The following DSCAML1 variants were observed in gnomAD, a reference collection of about 807,000 sequenced individuals.
DSCAML1 encodes the protein DS cell adhesion molecule like 1.
In DSCAML1, 38 loss-of-function variants were observed where a neutral mutation model predicts 200.5. The observed-to-expected ratio is 0.19, with a 90% confidence interval of 0.15 to 0.25. The LOEUF is 0.25. Among genes scored for constraint, DSCAML1 ranks in the 10% least tolerant of loss-of-function variants. DSCAML1 has a pLI of 1.00. For missense variants in DSCAML1, 2,223 were observed against 2,858.8 expected (o/e 0.78, Z 5.07); for synonymous variants, 1,215 against 1,165.0 (o/e 1.04, Z -0.87).
intron 21 of DSCAML1, among the ~76,000 whole-genome samples, chr11:117,442,176 G>A: frequency 6.7e-6 from 1 of 149,834 alleles, no homozygotes; most frequent in Non-Finnish European, 1.5e-5. Context: ...TGCATGTAGT[G>A]TGTATAGTGT....
At chr11:117,675,302 G>A (rs1359037351) in intron 3 of DSCAML1, among the ~76,000 whole-genome samples, 1 of 151,868 alleles carries the variant, frequency 6.6e-6, no homozygotes, top group African/African-American at 2.4e-5. Flanking sequence ...TCAGGGTTAT[G>A]CTTCCAAGCC....
At chr11:117,555,870 G>A (rs1420194697) in intron 3 of DSCAML1, among the ~76,000 whole-genome samples, 1 of 150,518 alleles carries the variant, frequency 6.6e-6, no homozygotes, top group Non-Finnish European at 1.5e-5. Flanking sequence ...CTCCTGCAGA[G>A]TATGGAGGGG....
intron 5 of DSCAML1, 126 bp downstream of exon 5, chr11:117,524,679 C>T (rs1346760241): frequency 5.7e-6 from 7 of 1,219,006 alleles, no homozygotes; most frequent in Admixed American, 3.1e-5. Context: ...CTGCCTTCCC[C>T]AGTCAGCCAG....
chr11:117,451,113 G>A lies in DSCAML1; in HGVS notation c.3569-425C>T, dbSNP rs76895578. 3.2e-3 allele frequency among the ~76,000 whole-genome samples: 492 copies of A among 152,292 alleles called. 2 individuals are homozygous for A. The highest frequency in any genetic ancestry group is 0.011 in the African/African-American group (437 of 41,578). On this transcript the variant is annotated intron_variant, in intron 19 of 32. Transcript: ENST00000651296. Reference sequence around the variant, plus strand: ...CTTTTTGGCCTGTGAGTTTCTTGAAGCTGGGACCACAACCTGTTTTCTGGC... The same window carrying A: ...CTTTTTGGCCTGTGAGTTTCTTGAAACTGGGACCACAACCTGTTTTCTGGC...
rs759589936 is a variant in DSCAML1 at position 117,516,479 on chromosome 11, C to T, written c.1771G>A (p.Val591Ile). Residue 591 changes from valine to isoleucine, a missense_variant, in exon 8 of 33, where the codon GTA (valine) becomes ATA (isoleucine). Physicochemically the swap from Val to Ile is conservative, Grantham distance 29. Transcript: ENST00000651296. This position sits in a 1 kb window ranked among gnomAD's most constrained non-coding sequence, Gnocchi z 5.7. ...GAGGGAGGCCTACCTTTGACGGCTA[C>T]GTGAACGCTCTGGCTGATGGAGAGC... ...PQLSISQSVH[V>I]AVKVPPLIQP... 2.3e-5 allele frequency: 37 copies of T among 1,612,884 alleles called. No homozygotes were observed. Among genetic ancestry groups the T allele is most frequent in the Middle Eastern group, 1.7e-4 (1 of 5,964 alleles).
At chr11:117,601,444 C>A (rs1410312672) in intron 3 of DSCAML1, among the ~76,000 whole-genome samples, 1 of 152,176 alleles carries the variant, frequency 6.6e-6, no homozygotes, top group Non-Finnish European at 1.5e-5. Flanking sequence ...AGATCAGGAC[C>A]AGCCTACATT....
At chr11:117,591,000 C>T (rs2051248190) in intron 3 of DSCAML1, among the ~76,000 whole-genome samples, 1 of 152,086 alleles carries the variant, frequency 6.6e-6, no homozygotes, top group Non-Finnish European at 1.5e-5. Context: ...GGTGTAGACA[C>T]ATCTTGATAG....
chr11:117,458,995 A>C, intron 18 of DSCAML1, 86 bp from the exon 19 acceptor site: 1 of 1,508,464 alleles, frequency 6.6e-7, no homozygotes, highest in Non-Finnish European at 9.0e-7. Context: ...CTCTGCCCAC[A>C]CCTACTGCAC....
intron 3 of DSCAML1, among the ~76,000 whole-genome samples, chr11:117,679,490 C>G (rs2053276272): frequency 6.6e-6 from 1 of 152,128 alleles, no homozygotes; most frequent in South Asian, 2.1e-4. Flanking sequence ...TTTTTCCAGC[C>G]CTTGGTGAGC....
intron 3 of DSCAML1, among the ~76,000 whole-genome samples, chr11:117,601,746 T>C (rs1390840303): frequency 1.3e-5 from 2 of 152,228 alleles, no homozygotes; most frequent in African/African-American, 4.8e-5. Flanking sequence ...CTTGAACACA[T>C]GGGACCTGGC....
At chr11:117,804,697 G>A (rs1296265915) in intron 1 of DSCAML1, among the ~76,000 whole-genome samples, 1 of 152,198 alleles carries the variant, frequency 6.6e-6, no homozygotes, top group African/African-American at 2.4e-5. Context: ...TCGAGAGGCT[G>A]AGGTGAGAGG....
At chr11:117,677,568 C>T (rs2053237468) in intron 3 of DSCAML1, among the ~76,000 whole-genome samples, 1 of 151,848 alleles carries the variant, frequency 6.6e-6, no homozygotes, top group South Asian at 2.1e-4. Flanking sequence ...TGGTGAGGAC[C>T]CTGGCTTGTG....
intron 1 of DSCAML1, among the ~76,000 whole-genome samples, chr11:117,786,963 G>A (rs1197368657): frequency 6.6e-6 from 1 of 152,100 alleles, no homozygotes; most frequent in Non-Finnish European, 1.5e-5. Context: ...GAATGGTCAG[G>A]ACCAACCGGC....
chr11:117,606,929 G>C (rs1479963520), intron 3 of DSCAML1, among the ~76,000 whole-genome samples: 1 of 152,224 alleles, frequency 6.6e-6, no homozygotes, highest in African/African-American at 2.4e-5. Flanking sequence ...AGTGTTGACT[G>C]GTTGAGTCAG....
rs28636504 is a variant in DSCAML1, at chr11:117,780,211, G to A, written c.364+282C>T. Among the ~76,000 whole-genome samples the A allele has an allele frequency of 0.068, 4,064 of 59,554 alleles. 281 individuals are homozygous for A. The highest frequency in any genetic ancestry group is 0.083 in the Middle Eastern group (10 of 120). 39.1% of individuals were successfully genotyped at this position (59,554 alleles called of 152,430 possible). On this transcript the variant is annotated intron_variant, in intron 2 of 32. Coordinates refer to ENST00000651296, the MANE Select transcript of DSCAML1 (RefSeq NM_020693.4). The surrounding 1 kb of genome is among the most constrained non-coding windows in gnomAD (Gnocchi z 4.8). ...AGAAAGAAAGAAAGAGAAAGAAAGA[G>A]AGAGAGAGAAAGAAAGAAAGGAAAG...
Position 117,437,372 on chromosome 11 carries a change from G to A in DSCAML1, c.4470C>T (p.His1490=), listed in dbSNP as rs1314853946. ...SFSKDQHLFT[H]INSTHARLNL... ...TAAGCCGAGCATGCGTGGAGTTGAT[G>A]TGGGTGAAGAGGTGTTGGTCTTTGC... is the stretch of plus-strand genomic sequence containing the variant. The change falls in exon 26 of 33, where the codon CAC becomes CAT. Residue 1490 remains histidine, a synonymous_variant. Transcript: ENST00000651296. This position sits in a 1 kb window ranked among gnomAD's most constrained non-coding sequence, Gnocchi z 5.3. The A allele has an allele frequency of 1.2e-6, 2 of 1,614,188 alleles. No individual in the cohort carries two copies. The highest frequency in any genetic ancestry group is 8.5e-7 in the Non-Finnish European group (1 of 1,180,006).
chr11:117,746,476 G>A (rs528300695), intron 3 of DSCAML1, among the ~76,000 whole-genome samples: 16 of 152,192 alleles, frequency 1.1e-4, no homozygotes, highest in Admixed American at 9.8e-4. Context: ...TTGGACCCAG[G>A]AGGCCAAGAG....
intron 1 of DSCAML1, among the ~76,000 whole-genome samples, chr11:117,792,714 G>A: frequency 6.6e-6 from 1 of 152,056 alleles, no homozygotes; most frequent in South Asian, 2.1e-4. Context: ...CATTCTAGGG[G>A]TGCACCCACC....
At chr11:117,675,470 ATTTTTTTTTT>A (rs533948278) in intron 3 of DSCAML1, among the ~76,000 whole-genome samples, 3 of 96,906 alleles carry the variant, frequency 3.1e-5, no homozygotes, top group Non-Finnish European at 5.7e-5. Flanking sequence ...GCTGATTGAA[ATTTTTTTTTT>A]TTTTTTTTTT....
Sources: allele counts gnomAD v4.1 joint callset (sites outside exome capture counted in the v4.1 genomes callset), GRCh38; gene constraint gnomAD v4.1.1; non-coding constraint Gnocchi (gnomAD v3.1); transcripts MANE v1.5; gene names NCBI Gene and HGNC (gene_info 2026-07-23, HGNC 2026-07-21).